The following RASSF5 variants were observed in gnomAD, a reference collection of about 807,000 sequenced individuals.
The protein encoded by RASSF5 is ras association domain-containing protein 5.
RASSF5 carries 25 observed loss-of-function variants against 40.5 expected under a neutral mutation model. The ratio of observed to expected loss-of-function variants is 0.62; its 90% CI spans 0.45 to 0.86. The LOEUF (loss-of-function observed/expected upper bound fraction) is 0.86, where lower values mean the gene tolerates loss of function less well. Among genes scored for constraint, RASSF5 ranks in the 40% least tolerant of loss-of-function variants. The pLI is 0.00. For synonymous variants in RASSF5, 246 were observed against 252.4 expected (o/e 0.97, Z 0.24); for missense variants, 521 against 572.8 (o/e 0.91, Z 0.92).
chr1:206,511,713 G>T (rs888057361), intron 1 of RASSF5, among the ~76,000 whole-genome samples: 6 of 152,194 alleles, frequency 3.9e-5, no homozygotes, highest in Non-Finnish European at 7.3e-5. Flanking sequence ...AGCCCTCGGG[G>T]AAGGGCACCG....
At chr1:206,569,730 C>T (rs1668388408) in intron 2 of RASSF5, among the ~76,000 whole-genome samples, 2 of 152,356 alleles carry the variant, frequency 1.3e-5, no homozygotes, top group South Asian at 2.1e-4. Flanking sequence ...GGCTTCTGTG[C>T]CCCTGACCTT....
intron 2 of RASSF5, among the ~76,000 whole-genome samples, chr1:206,565,394 C>T (rs1389574071): frequency 1.3e-5 from 2 of 152,252 alleles, no homozygotes; most frequent in African/African-American, 4.8e-5. Flanking sequence ...GGTTCCCTTT[C>T]CTTCCGGAGT....
chr1:206,540,938 A>G (rs6540457), intron 2 of RASSF5, among the ~76,000 whole-genome samples: 11,369 of 152,120 alleles, frequency 0.075, 1,461 homozygotes, highest in African/African-American at 0.26. Context: ...CTGTTGCCTA[A>G]GCTGGAGTGC....
intron 1 of RASSF5, among the ~76,000 whole-genome samples, chr1:206,521,225 C>T (rs1469805903): frequency 1.3e-5 from 2 of 152,116 alleles, no homozygotes; most frequent in African/African-American, 4.8e-5. Flanking sequence ...CTCTGGTGGT[C>T]CTGGCTGCAG....
chr1:206,509,837 G>A (rs573883443), intron 1 of RASSF5, among the ~76,000 whole-genome samples: 90 of 151,960 alleles, frequency 5.9e-4, no homozygotes, highest in African/African-American at 2.1e-3. Context: ...CAGAATTGTC[G>A]ATCTCCTTTG....
intron 1 of RASSF5, among the ~76,000 whole-genome samples, chr1:206,527,434 T>C (rs1432523401): frequency 6.6e-6 from 1 of 152,042 alleles, no homozygotes; most frequent in Non-Finnish European, 1.5e-5. Context: ...TCTGGTGAAA[T>C]TGTCCTGAGA....
At chr1:206,529,365 C>G (rs146471130) in intron 1 of RASSF5, 1 of 759,310 alleles carries the variant, frequency 1.3e-6, no homozygotes, top group Non-Finnish European at 2.4e-6. Flanking sequence ...GAAAGCTCAG[C>G]TGGTGGTGAT....
At chr1:206,585,970 T>A (rs1337434189) in intron 5 of RASSF5, 3 of 152,436 alleles carry the variant, frequency 2.0e-5, no homozygotes, top group African/African-American at 7.2e-5. Flanking sequence ...TTGGCATCTG[T>A]GCAGAATATG....
Position 206,577,458 on chromosome 1 carries a change from T to A in RASSF5, c.580-5811T>A, listed in dbSNP as rs146252524. ...CCATTATCTCATTTGATTTTTACCT[T>A]CACATCAATCCTGTGAGACAATAAG... On this transcript the variant is annotated intron_variant, in intron 2 of 5. Transcript: ENST00000579436. 1.2e-3 allele frequency among the ~76,000 whole-genome samples: 182 copies of A among 152,326 alleles called. 2 individuals carry two copies. The highest frequency in any genetic ancestry group is 4.2e-3 in the African/African-American group (176 of 41,568).
chr1:206,550,557 A>T (rs531398464), intron 2 of RASSF5, among the ~76,000 whole-genome samples: 19 of 152,054 alleles, frequency 1.2e-4, no homozygotes, highest in African/African-American at 4.6e-4. Flanking sequence ...AAAGTACATA[A>T]CCTCTCTTAG....
chr1:206,564,374 T>C (rs1344683541), intron 2 of RASSF5, among the ~76,000 whole-genome samples: 2 of 152,206 alleles, frequency 1.3e-5, no homozygotes, highest in African/African-American at 4.8e-5. Context: ...CCTGCCCTCC[T>C]TCTGTCTTCA....
chr1:206,510,885 A>C (rs1019911298), intron 1 of RASSF5, among the ~76,000 whole-genome samples: 1 of 152,164 alleles, frequency 6.6e-6, no homozygotes, highest in Non-Finnish European at 1.5e-5. Context: ...CCTTGGAAAC[A>C]AGCAGGAGGG....
At chr1:206,518,541 C>A in intron 1 of RASSF5, 1 of 398,542 alleles carries the variant, frequency 2.5e-6, no homozygotes, top group South Asian at 1.3e-4. Context: ...CCGGAGGGCT[C>A]GGGGTAGGTC....
At chr1:206,529,808 CCAGCTACT>C in intron 1 of RASSF5, 1 of 395,954 alleles carries the variant, frequency 2.5e-6, no homozygotes, top group Non-Finnish European at 4.8e-6. Context: ...GCCTGTAATC[CCAGCTACT>C]CAGTGGGAGG....
At chr1:206,578,233 A>AGAGTGTGT (rs782121565) in intron 2 of RASSF5, among the ~76,000 whole-genome samples, 1 of 117,494 alleles carries the variant, frequency 8.5e-6, no homozygotes, top group Non-Finnish European at 1.9e-5. Context: ...AAAAAAAAAA[A>AGAGTGTGT]GTGTGTGTGT....
intron 1 of RASSF5, chr1:206,518,454 C>T (rs558644434): frequency 4.4e-4 from 176 of 398,692 alleles, no homozygotes; most frequent in African/African-American, 1.4e-3. Flanking sequence ...TCAGCTCCAG[C>T]GGCTCTTCTG....
chr1:206,557,674 A>G, intron 2 of RASSF5: 1 of 1,614,258 alleles, frequency 6.2e-7, no homozygotes, highest in Non-Finnish European at 8.5e-7. Flanking sequence ...AGAAATGCGC[A>G]GAGCAAACAT....
intron 1 of RASSF5, among the ~76,000 whole-genome samples, chr1:206,515,878 G>T (rs1381775249): frequency 1.3e-5 from 2 of 152,156 alleles, no homozygotes; most frequent in Non-Finnish European, 2.9e-5. Context: ...TCTGAAGAAA[G>T]TATTAACCTC....
chr1:206,557,656 C>T (rs781825252), intron 2 of RASSF5: 4 of 1,614,256 alleles, frequency 2.5e-6, no homozygotes, highest in Non-Finnish European at 3.4e-6. Flanking sequence ...GCTAAGACTA[C>T]CTTTTTCAGA....
Sources: gnomAD v4.1 joint callset for allele counts (sites outside exome capture counted in the v4.1 genomes callset) on GRCh38, gnomAD v4.1.1 for gene constraint, MANE v1.5 for transcripts, NCBI Gene and HGNC (gene_info 2026-07-23, HGNC 2026-07-21) for gene names.